The following TAF3 variants were observed in gnomAD, a reference collection of about 807,000 sequenced individuals.
The protein encoded by TAF3 is TATA-box binding protein associated factor 3, also known as transcription initiation factor TFIID subunit 3.
Under a neutral mutation model 80.6 loss-of-function variants are expected in TAF3, and 7 were observed. The ratio of observed to expected loss-of-function variants is 0.09; its 90% CI spans 0.05 to 0.16. The LOEUF is 0.16. Among genes scored for constraint, TAF3 ranks in the 10% least tolerant of loss-of-function variants. The pLI is 1.00. For missense variants in TAF3, 921 were observed against 1,140.2 expected (o/e 0.81, Z 2.77); for synonymous variants, 444 against 446.1 (o/e 1.00, Z 0.06).
At position 7,960,281 on chromosome 10, in the gene TAF3, C is replaced by T. The variant is rs557474391; in HGVS notation, c.410-3639C>T. Among the ~76,000 whole-genome samples the T allele has an allele frequency of 3.9e-5, 6 of 152,132 alleles. No individual in the cohort carries two copies. In the South Asian group the frequency reaches 1.2e-3, roughly 31 times the overall value. On this transcript the variant is annotated intron_variant, in intron 2 of 6. Coordinates refer to ENST00000344293, the MANE Select transcript of TAF3 (RefSeq NM_031923.4). ...GTTGGCAGTTGAGCAGATCTGAAGT[C>T]CGCCTTGTCATTCTGATAGCAAAAG... is the stretch of plus-strand genomic sequence containing the variant.
intron 2 of TAF3, among the ~76,000 whole-genome samples, chr10:7,885,725 C>T (rs1837403490): frequency 6.6e-6 from 1 of 152,172 alleles, no homozygotes; most frequent in South Asian, 2.1e-4. Flanking sequence ...ACCTTTCTTC[C>T]TTACAGGGAT....
At chr10:7,861,228 G>T (rs1202100895) in intron 2 of TAF3, among the ~76,000 whole-genome samples, 1 of 152,170 alleles carries the variant, frequency 6.6e-6, no homozygotes, top group Non-Finnish European at 1.5e-5. Flanking sequence ...CCTCTGGAGT[G>T]CTGGGATTAC....
chr10:7,949,376 A>C (rs1315383534), intron 2 of TAF3, among the ~76,000 whole-genome samples: 3 of 152,226 alleles, frequency 2.0e-5, no homozygotes, highest in Non-Finnish European at 4.4e-5. Context: ...TACCAGGCCT[A>C]CTCATGGATG....
At position 7,863,646 on chromosome 10, in the gene TAF3, T is replaced by TATACAC. The variant is rs1196114441; in HGVS notation, c.409+39087_409+39088insTACACA. 4.9e-4 allele frequency among the ~76,000 whole-genome samples: 38 copies of TATACAC among 76,816 alleles called. 5 individuals carry two copies. In the East Asian group the frequency reaches 0.024, roughly 49 times the overall value. The allele number at this position is 76,816 out of a possible 152,430, so 50.4% of individuals were successfully genotyped here. On this transcript the variant is annotated intron_variant, in intron 2 of 6. Coordinates refer to ENST00000344293, the MANE Select transcript of TAF3 (RefSeq NM_031923.4). ...AAAAAAATATATATATATATATATATACACACACACATATATATATACACA... is the reference window on the plus strand; with the variant it reads ...AAAAAAATATATATATATATATATATATACACACACACACACATATATATATACACA...
At chr10:7,989,390 A>G (rs1376985263) in intron 4 of TAF3, among the ~76,000 whole-genome samples, 1 of 152,358 alleles carries the variant, frequency 6.6e-6, no homozygotes, top group Non-Finnish European at 1.5e-5. Flanking sequence ...GACCTCTGGT[A>G]TGCTGAATGC....
chr10:7,997,747 A>C (rs1831902960), intron 4 of TAF3, among the ~76,000 whole-genome samples: 1 of 152,206 alleles, frequency 6.6e-6, no homozygotes, highest in East Asian at 1.9e-4. Context: ...TTCAACAGAA[A>C]GCTCTGGACG....
intron 2 of TAF3, among the ~76,000 whole-genome samples, chr10:7,932,181 A>G (rs1837874818): frequency 6.6e-6 from 1 of 152,160 alleles, no homozygotes; most frequent in Admixed American, 6.5e-5. Flanking sequence ...TGAACATGCT[A>G]CCTCTATCAG....
At chr10:7,909,590 A>G (rs1246847122) in intron 2 of TAF3, among the ~76,000 whole-genome samples, 1 of 152,224 alleles carries the variant, frequency 6.6e-6, no homozygotes, top group Non-Finnish European at 1.5e-5. Flanking sequence ...AAATATTTAG[A>G]AAGGGTGATG....
intron 3 of TAF3, among the ~76,000 whole-genome samples, chr10:7,974,570 G>T (rs1247854335): frequency 2.0e-5 from 3 of 152,132 alleles, no homozygotes; most frequent in Non-Finnish European, 1.5e-5. Context: ...GTAAGGTTGG[G>T]TGAAAGAAGA....
chr10:7,935,321 G>A (rs1238656168), intron 2 of TAF3, among the ~76,000 whole-genome samples: 1 of 151,808 alleles, frequency 6.6e-6, no homozygotes, highest in African/African-American at 2.4e-5. Flanking sequence ...AAAGCGGCCA[G>A]GCGCGGTGGC....
intron 2 of TAF3, among the ~76,000 whole-genome samples, chr10:7,941,523 A>C (rs1837975829): frequency 5.9e-5 from 9 of 152,176 alleles, no homozygotes; most frequent in Admixed American, 5.9e-4. Flanking sequence ...TGTAGTAATC[A>C]AGGTAAATGT....
intron 2 of TAF3, among the ~76,000 whole-genome samples, chr10:7,895,635 G>A (rs962948996): frequency 2.0e-5 from 3 of 152,174 alleles, no homozygotes; most frequent in Non-Finnish European, 4.4e-5. Flanking sequence ...TTGAGTCTTG[G>A]GAAATTGGGG....
intron 2 of TAF3, among the ~76,000 whole-genome samples, chr10:7,907,575 T>C (rs1413602908): frequency 6.6e-6 from 1 of 152,136 alleles, no homozygotes; most frequent in Non-Finnish European, 1.5e-5. Flanking sequence ...AAAGAAATTA[T>C]GAGGGTAATA....
At chr10:7,837,633 A>G (rs1005622951) in intron 2 of TAF3, among the ~76,000 whole-genome samples, 1 of 152,158 alleles carries the variant, frequency 6.6e-6, no homozygotes. Context: ...AAAGAGCAAG[A>G]CTCTGTCTCA....
At chr10:7,962,811 G>A (rs1255082265) in intron 2 of TAF3, among the ~76,000 whole-genome samples, 1 of 152,206 alleles carries the variant, frequency 6.6e-6, no homozygotes, top group Non-Finnish European at 1.5e-5. Context: ...TGTTATTGCT[G>A]CACTAAACTG....
chr10:7,919,174 T>G (rs1277300851), intron 2 of TAF3, among the ~76,000 whole-genome samples: 2 of 152,046 alleles, frequency 1.3e-5, no homozygotes, highest in Non-Finnish European at 2.9e-5. Context: ...TAGAATCCAG[T>G]TGGATGTCCT....
intron 2 of TAF3, among the ~76,000 whole-genome samples, chr10:7,861,156 G>T (rs1031618666): frequency 1.3e-5 from 2 of 152,060 alleles, no homozygotes; most frequent in African/African-American, 4.8e-5. Flanking sequence ...AGTAGAGATT[G>T]GGTTTCACTG....
chr10:7,905,010 C>T (rs563710473), intron 2 of TAF3, among the ~76,000 whole-genome samples: 5 of 152,056 alleles, frequency 3.3e-5, no homozygotes, highest in South Asian at 2.1e-4. Flanking sequence ...AAAAGTGAAA[C>T]GTTTCTTGTA....
chr10:7,832,175 A>G (rs1350850179), intron 2 of TAF3, among the ~76,000 whole-genome samples: 2 of 152,128 alleles, frequency 1.3e-5, no homozygotes, highest in Admixed American at 6.5e-5. Flanking sequence ...CCCTTTGCCT[A>G]TCATCTCTGT....
Sources: gnomAD v4.1 joint callset for allele counts (sites outside exome capture counted in the v4.1 genomes callset) on GRCh38, gnomAD v4.1.1 for gene constraint, MANE v1.5 for transcripts, NCBI Gene and HGNC (gene_info 2026-07-23, HGNC 2026-07-21) for gene names.